JAKMIP3: variants seen among roughly 807,000 people sequenced by gnomAD.
The protein encoded by JAKMIP3 is janus kinase and microtubule-interacting protein 3.
A neutral mutation model predicts 118.5 loss-of-function variants in JAKMIP3; 58 were observed. The observed-to-expected ratio is 0.49, with a 90% CI of 0.40 to 0.61. JAKMIP3 has a LOEUF of 0.61. JAKMIP3 is among the 20% of genes least tolerant of loss of function. JAKMIP3 has a pLI of 0.00. For missense variants in JAKMIP3, 950 were observed against 1,109.0 expected (o/e 0.86, Z 2.04); for synonymous variants, 486 against 451.2 (o/e 1.08, Z -0.98).
At position 132,130,175 on chromosome 10, in the gene JAKMIP3, G is replaced by A. The variant is rs1259607674; in HGVS notation, c.634-3137G>A. On this transcript the variant is annotated intron_variant, in intron 3 of 23. Coordinates refer to ENST00000684848, the MANE Select transcript of JAKMIP3 (RefSeq NM_001323087.2). Reference sequence around the variant, plus strand: ...GGCGGCCTCTTCTAGCACCTCCAACGCACCCCCACCCAGGTCTCTGCTTTC... The same window carrying A: ...GGCGGCCTCTTCTAGCACCTCCAACACACCCCCACCCAGGTCTCTGCTTTC... Among the ~76,000 whole-genome samples, 6 of 152,126 alleles carry A rather than the reference G, an allele frequency of 3.9e-5. No individual in the cohort carries two copies. The South Asian group carries it at 6.2e-4, about 16-fold the overall frequency.
chr10:132,097,929 C>CCCTTTCCCTTT lies in JAKMIP3; in HGVS notation c.-137-6739_-137-6738insTCCCTTTCCTT, dbSNP rs1564892812. On this transcript the variant is annotated intron_variant, in intron 1 of 23. Coordinates refer to ENST00000684848, the MANE Select transcript of JAKMIP3 (RefSeq NM_001323087.2). ...TCCCCTTCCCCTTCCCCTTTCCTTC[C>CCCTTTCCCTTT]CCTTCCCCTTTCCCTTTCCCATCCC... 2.8e-3 allele frequency among the ~76,000 whole-genome samples: 66 copies of CCCTTTCCCTTT among 23,524 alleles called. 3 individuals are homozygous for CCCTTTCCCTTT. The highest frequency in any genetic ancestry group is 6.5e-3 in the African/African-American group (58 of 8,912). The allele number at this position is 23,524 out of a possible 152,430, so 15.4% of individuals were successfully genotyped here.
At chr10:132,043,623 G>A (rs542666243) in intron 1 of JAKMIP3, among the ~76,000 whole-genome samples, 3 of 152,270 alleles carry the variant, frequency 2.0e-5, no homozygotes, top group East Asian at 1.9e-4. Flanking sequence ...TCCCACAGGC[G>A]CCTGGGCTTT....
intron 19 of JAKMIP3, among the ~76,000 whole-genome samples, chr10:132,159,656 GTGTGATGCTGGGGGGTCCTCTCCCTA>G (rs1488651568): frequency 6.6e-4 from 44 of 67,036 alleles, no homozygotes; most frequent in East Asian, 1.4e-3. Flanking sequence ...GCCTCTCCCT[GTGTGATGCTGGGGGGTCCTCTCCCTA>G]TGTGATGCTC....
At chr10:132,172,997 TTCCCTCTCTCTCTCTC>T (rs2059677976) in intron 23 of JAKMIP3, among the ~76,000 whole-genome samples, 1 of 16,696 alleles carries the variant, frequency 6.0e-5, no homozygotes, top group Admixed American at 6.4e-4. Context: ...CTCTCTCTCC[TTCCCTCTCTCTCTCTC>T]TCCCTCTCTC....
rs753541726 is a variant in JAKMIP3, at chr10:132,141,926, G to A, written c.1480G>A (p.Ala494Thr). The change falls in exon 11 of 24, where the codon GCC becomes ACC. Residue 494 changes from alanine to threonine, a missense_variant. Transcript: ENST00000684848. ...TPDDDLEEGMAKEETELRFRQ... is the reference protein window; with the variant it reads ...TPDDDLEEGMTKEETELRFRQ... ...GGCATCCGTGTCTCTCCAGGGCATG[G>A]CCAAGGAGGAGACGGAGCTGAGGTT... The A allele has an allele frequency of 3.1e-6, 5 of 1,593,484 alleles. No homozygotes were observed. In the East Asian group the frequency reaches 1.1e-4, roughly 36 times the overall value.
chr10:132,150,843 C>T (rs551508136), intron 16 of JAKMIP3, among the ~76,000 whole-genome samples: 21 of 152,178 alleles, frequency 1.4e-4, no homozygotes, highest in South Asian at 4.2e-4. Flanking sequence ...TTCATTTATC[C>T]GTCCTCCATA....
chr10:132,081,793 AG>A (rs2041800609), intron 1 of JAKMIP3, among the ~76,000 whole-genome samples: 1 of 151,512 alleles, frequency 6.6e-6, no homozygotes, highest in Non-Finnish European at 1.5e-5. Context: ...TCCTTTCCTG[AG>A]GCACGGGAGC....
chr10:132,097,017 C>T (rs1237031412), intron 1 of JAKMIP3, among the ~76,000 whole-genome samples: 2 of 152,210 alleles, frequency 1.3e-5, no homozygotes, highest in Admixed American at 6.5e-5. Flanking sequence ...GGCCAAGGCA[C>T]ACAGGAGAGA....
intron 11 of JAKMIP3, chr10:132,143,764 G>T (rs751709745): frequency 6.6e-6 from 1 of 152,210 alleles, no homozygotes; most frequent in Non-Finnish European, 1.5e-5. Flanking sequence ...GAGGACAGGC[G>T]TCTGAAGACA....
intron 1 of JAKMIP3, among the ~76,000 whole-genome samples, chr10:132,092,349 T>C (rs924951963): frequency 6.6e-6 from 1 of 152,234 alleles, no homozygotes; most frequent in Non-Finnish European, 1.5e-5. Flanking sequence ...CTGGATAATA[T>C]CCTGCAGAGT....
At chr10:132,042,346 G>C (rs995527663) in intron 1 of JAKMIP3, among the ~76,000 whole-genome samples, 3 of 151,976 alleles carry the variant, frequency 2.0e-5, no homozygotes, top group Admixed American at 6.6e-5. Flanking sequence ...TGATTAGCTG[G>C]GACTACAGGT....
At chr10:132,088,277 C>T (rs2042655730) in intron 1 of JAKMIP3, among the ~76,000 whole-genome samples, 1 of 152,184 alleles carries the variant, frequency 6.6e-6, no homozygotes, top group South Asian at 2.1e-4. Flanking sequence ...CCTGAGGAAT[C>T]GCCACTCTGA....
intron 3 of JAKMIP3, among the ~76,000 whole-genome samples, chr10:132,121,564 A>G (rs1237214910): frequency 1.3e-5 from 2 of 152,110 alleles, no homozygotes. Context: ...GGAGGAATCG[A>G]TCTTTGCTCA....
chr10:132,168,637 A>T lies in JAKMIP3; in HGVS notation c.*707A>T. 3.0e-6 allele frequency: 1 copy of T among 329,702 alleles called. No homozygotes were observed. Among genetic ancestry groups the T allele is most frequent in the Non-Finnish European group, 5.9e-6 (1 of 169,646 alleles). The allele number at this position is 329,702 out of a possible 1,614,324, so 20.4% of individuals were successfully genotyped here. A position where few individuals can be genotyped will look rare whatever the true frequency, so the allele number is the denominator to read the frequency against. On this transcript the variant is annotated 3_prime_UTR_variant, in exon 23 of 24. Transcript: ENST00000684848. ...GGTGCCATCAACCCTCTGCCTCCCT[A>T]CTCAACCTGAGACAGGAAGGCCAAG...
rs1386716270 is a variant in JAKMIP3, at chr10:132,153,780, A to G, written c.2095A>G (p.Thr699Ala). ...CCAGTGGCTCCAGCAGATTGAGGAG[A>G]CAGAGGCGGCGCTGCAGCGGAAGAT... The part of the protein sequence containing the change: ...AEKWLQQIEE[T>A]EAALQRKMVD... Residue 699 changes from threonine to alanine, a missense_variant, in exon 18 of 24, where the codon ACA (threonine) becomes GCA (alanine). Coordinates refer to ENST00000684848, the MANE Select transcript of JAKMIP3 (RefSeq NM_001323087.2). The G allele has an allele frequency of 2.5e-6, 4 of 1,612,822 alleles. No individual in the cohort carries two copies. The highest frequency in any genetic ancestry group is 2.2e-5 in the South Asian group (2 of 91,064).
At chr10:132,140,847 T>A (rs1483275036) in intron 10 of JAKMIP3, among the ~76,000 whole-genome samples, 1 of 152,180 alleles carries the variant, frequency 6.6e-6, no homozygotes, top group Non-Finnish European at 1.5e-5. Flanking sequence ...GGCCAAACCA[T>A]GCCTCCTTCT....
intron 9 of JAKMIP3, 47 bp from the exon 10 acceptor site, chr10:132,140,404 T>G (rs760911402): frequency 6.2e-7 from 1 of 1,609,468 alleles, no homozygotes; most frequent in Non-Finnish European, 8.5e-7. Context: ...AGGAGGCGGC[T>G]GTGCCTGGGT....
chr10:132,181,418 G>A (rs1055204267), intron 23 of JAKMIP3: 10 of 152,202 alleles, frequency 6.6e-5, no homozygotes, highest in Non-Finnish European at 1.5e-4. Flanking sequence ...TCTCAGCCTG[G>A]AAGTGTCACC....
chr10:132,044,149 G>T lies in JAKMIP3; in HGVS notation c.-138+7411G>T, dbSNP rs536228937. On this transcript the variant is annotated intron_variant, in intron 1 of 23. Coordinates refer to the JAKMIP3 transcript ENST00000657785. The surrounding 1 kb of genome is among the most constrained non-coding windows in gnomAD (Gnocchi z 5.3). Reference sequence around the variant, plus strand: ...CCCTGGGACCAGCCCGATGCCTGGTGGGGGGGCTTCTCTGGGCCCTCAGCT... The same window carrying T: ...CCCTGGGACCAGCCCGATGCCTGGTTGGGGGGCTTCTCTGGGCCCTCAGCT... Among the ~76,000 whole-genome samples, 16 of 152,316 alleles carry T rather than the reference G, an allele frequency of 1.1e-4. No individual in the cohort carries two copies. Among genetic ancestry groups the T allele is most frequent in the Middle Eastern group, 3.4e-3 (1 of 294 alleles).
Sources: allele counts gnomAD v4.1 joint callset (sites outside exome capture counted in the v4.1 genomes callset), GRCh38; gene constraint gnomAD v4.1.1; non-coding constraint Gnocchi (gnomAD v3.1); transcripts MANE v1.5; gene names NCBI Gene and HGNC (gene_info 2026-07-23, HGNC 2026-07-21).